The following KCNK2 variants were observed in gnomAD, a reference collection of about 807,000 sequenced individuals.
The protein encoded by KCNK2 is potassium channel subfamily K member 2.
In KCNK2, 21 loss-of-function variants were observed where a neutral mutation model predicts 40.5. That is an observed-to-expected ratio of 0.52 (90% CI 0.37 to 0.75). KCNK2 has a LOEUF of 0.75. Ranked by LOEUF, KCNK2 falls within the 30% of genes least tolerant of loss-of-function variation. The probability of loss-of-function intolerance (pLI) is 0.00; values close to 1 mark genes in which losing one functional copy is unlikely to be tolerated. For synonymous variants in KCNK2, 191 were observed against 202.2 expected (o/e 0.94, Z 0.47); for missense variants, 399 against 531.6 (o/e 0.75, Z 2.45).
At chr1:215,161,017 G>A (rs1201955995) in intron 3 of KCNK2, among the ~76,000 whole-genome samples, 2 of 152,010 alleles carry the variant, frequency 1.3e-5, no homozygotes, top group Non-Finnish European at 2.9e-5. Flanking sequence ...AAATGTTGCC[G>A]AGATCATCCA....
At chr1:215,155,538 A>G (rs1662878567) in intron 3 of KCNK2, among the ~76,000 whole-genome samples, 1 of 152,108 alleles carries the variant, frequency 6.6e-6, no homozygotes, top group Non-Finnish European at 1.5e-5. Flanking sequence ...TTATTTATTT[A>G]GAGACCGAGC....
At chr1:215,088,576 A>G (rs1305969265) in intron 2 of KCNK2, among the ~76,000 whole-genome samples, 3 of 85,134 alleles carry the variant, frequency 3.5e-5, no homozygotes, top group South Asian at 7.7e-4. Flanking sequence ...ACAGGACAGG[A>G]AAAAAAAAAA....
At chr1:215,029,576 A>C (rs951978383) in intron 1 of KCNK2, among the ~76,000 whole-genome samples, 3 of 147,070 alleles carry the variant, frequency 2.0e-5, no homozygotes, top group Non-Finnish European at 4.5e-5. Context: ...TATTTAATAT[A>C]TAAATATAAA....
At chr1:215,233,403 A>T (rs1666751657) in intron 6 of KCNK2, among the ~76,000 whole-genome samples, 1 of 151,590 alleles carries the variant, frequency 6.6e-6, no homozygotes, top group South Asian at 2.1e-4. Context: ...GCCATGTACC[A>T]TCCTCCTATC....
intron 2 of KCNK2, among the ~76,000 whole-genome samples, chr1:215,092,873 G>A (rs1027136089): frequency 2.0e-5 from 3 of 152,080 alleles, no homozygotes; most frequent in African/African-American, 7.2e-5. Flanking sequence ...GATACTCTTG[G>A]TTATCGTGTC....
intron 3 of KCNK2, among the ~76,000 whole-genome samples, chr1:215,131,653 A>C (rs1333017541): frequency 6.7e-6 from 1 of 149,858 alleles, no homozygotes; most frequent in Non-Finnish European, 1.5e-5. Context: ...CTCAATTATT[A>C]TATCTGAGTG....
At chr1:215,193,473 A>G (rs1664747802) in intron 5 of KCNK2, among the ~76,000 whole-genome samples, 1 of 151,262 alleles carries the variant, frequency 6.6e-6, no homozygotes, top group Non-Finnish European at 1.5e-5. Flanking sequence ...TCCCCTATTC[A>G]GTTACAATAT....
intron 1 of KCNK2, among the ~76,000 whole-genome samples, chr1:215,050,486 G>T (rs940634261): frequency 1.3e-5 from 2 of 152,074 alleles, no homozygotes; most frequent in Non-Finnish European, 2.9e-5. Flanking sequence ...AATAGATAAA[G>T]TTCCTGTACT....
intron 6 of KCNK2, among the ~76,000 whole-genome samples, chr1:215,219,852 G>A (rs1666102739): frequency 6.6e-6 from 1 of 152,056 alleles, no homozygotes; most frequent in Non-Finnish European, 1.5e-5. Flanking sequence ...TGGCCACTGG[G>A]AGCCCCTTGA....
At chr1:215,164,759 T>C (rs1369988905) in intron 3 of KCNK2, among the ~76,000 whole-genome samples, 2 of 152,166 alleles carry the variant, frequency 1.3e-5, no homozygotes, top group African/African-American at 2.4e-5. Context: ...TCTTACATCC[T>C]GTGCATCAGG....
Position 215,121,643 on chromosome 1 carries a change from C to T in KCNK2, c.358-2990C>T, listed in dbSNP as rs145109198. On this transcript the variant is annotated intron_variant, in intron 2 of 6. Transcript: ENST00000444842. ...ATATAAAAAATACATAATAATGTGT[C>T]TCACTTTTTGAGTTTACAATGAAGT... Among the ~76,000 whole-genome samples the T allele has an allele frequency of 9.1e-3, 1,386 of 152,278 alleles. 50 individuals carry two copies. The highest frequency in any genetic ancestry group is 0.057 in the Admixed American group (876 of 15,292).
intron 1 of KCNK2, among the ~76,000 whole-genome samples, chr1:215,051,487 A>C (rs760109308): frequency 6.6e-6 from 1 of 152,214 alleles, no homozygotes; most frequent in South Asian, 2.1e-4. Flanking sequence ...GGGGAATGCC[A>C]TACCTAGCCA....
At chr1:215,070,942 A>G (rs2102515337) in intron 1 of KCNK2, among the ~76,000 whole-genome samples, 1 of 152,328 alleles carries the variant, frequency 6.6e-6, no homozygotes, top group East Asian at 1.9e-4. Context: ...ATGATCAGGC[A>G]ATTGTCCTGA....
At position 215,236,371 on chromosome 1, in the gene KCNK2, T is replaced by A. The variant is rs1666895813; in HGVS notation, c.*1226T>A. The A allele has an allele frequency of 6.6e-6, 1 of 152,602 alleles. No individual in the cohort carries two copies. Among genetic ancestry groups the A allele is most frequent in the Non-Finnish European group, 1.5e-5 (1 of 68,054 alleles). The allele number at this position is 152,602 out of a possible 1,614,324, so 9.5% of individuals were successfully genotyped here. On this transcript the variant is annotated 3_prime_UTR_variant, in exon 7 of 7. Transcript: ENST00000444842. ...TCCTAGCCTTCTGTGGGTATACTTT[T>A]GGAGTTGTGACTTGGCTGTGAGGGC...
chr1:215,126,503 A>G (rs986455780), intron 3 of KCNK2, among the ~76,000 whole-genome samples: 1 of 152,176 alleles, frequency 6.6e-6, no homozygotes, highest in African/African-American at 2.4e-5. Context: ...AAAAGCTTAC[A>G]GACTGAGTGA....
chr1:215,011,708 T>G (rs1448443537), intron 1 of KCNK2, among the ~76,000 whole-genome samples: 4 of 151,934 alleles, frequency 2.6e-5, no homozygotes, highest in Non-Finnish European at 5.9e-5. Context: ...TGGGTTCAAG[T>G]GATTCTCCCG....
chr1:215,040,499 A>G (rs1657525930), intron 1 of KCNK2, among the ~76,000 whole-genome samples: 1 of 152,152 alleles, frequency 6.6e-6, no homozygotes, highest in Non-Finnish European at 1.5e-5. Context: ...AAAGATAATT[A>G]TTCCTTCAGA....
At chr1:215,202,411 T>C (rs1008760618) in intron 6 of KCNK2, among the ~76,000 whole-genome samples, 4 of 152,162 alleles carry the variant, frequency 2.6e-5, no homozygotes, top group African/African-American at 7.2e-5. Context: ...ATTTAGTAAA[T>C]AGGCAATTGG....
At chr1:215,032,107 T>C (rs1223262408) in intron 1 of KCNK2, among the ~76,000 whole-genome samples, 2 of 151,646 alleles carry the variant, frequency 1.3e-5, no homozygotes, top group East Asian at 3.9e-4. Context: ...TTAAGGATTT[T>C]TTTTTTTTTT....
Sources: gnomAD v4.1 joint callset for allele counts (sites outside exome capture counted in the v4.1 genomes callset) on GRCh38, gnomAD v4.1.1 for gene constraint, MANE v1.5 for transcripts, NCBI Gene and HGNC (gene_info 2026-07-23, HGNC 2026-07-21) for gene names.